The following RNF220 variants were observed in gnomAD, a reference collection of about 807,000 sequenced individuals.
RNF220 encodes the protein ring finger protein 220, also known as E3 ubiquitin-protein ligase RNF220.
Under a neutral mutation model 67.1 loss-of-function variants are expected in RNF220, and 7 were observed. The observed-to-expected ratio is 0.10, with a 90% CI of 0.06 to 0.20. The LOEUF (loss-of-function observed/expected upper bound fraction) is 0.20, where lower values mean the gene tolerates loss of function less well. Among genes scored for constraint, RNF220 ranks in the 10% least tolerant of loss-of-function variants. RNF220 has a pLI of 1.00. For synonymous variants in RNF220, 270 were observed against 283.2 expected (o/e 0.95, Z 0.47); for missense variants, 565 against 740.3 (o/e 0.76, Z 2.75).
chr1:44,610,730 G>T (rs1643260301), intron 2 of RNF220, among the ~76,000 whole-genome samples: 2 of 152,202 alleles, frequency 1.3e-5, no homozygotes, highest in Admixed American at 1.3e-4. Flanking sequence ...CCAATGGGCA[G>T]CTGAACTAAG....
At chr1:44,524,616 G>A (rs1380471821) in intron 2 of RNF220, among the ~76,000 whole-genome samples, 1 of 152,026 alleles carries the variant, frequency 6.6e-6, no homozygotes, top group Non-Finnish European at 1.5e-5. Context: ...CTCTTCCTCC[G>A]CATCTCTCCT....
At chr1:44,501,112 TCCACCAGCCCGAGTGA>T (rs1394105708) in intron 2 of RNF220, among the ~76,000 whole-genome samples, 2 of 135,078 alleles carry the variant, frequency 1.5e-5, no homozygotes, top group Non-Finnish European at 3.1e-5. Flanking sequence ...GCTCTCCCTT[TCCACCAGCCCGAGTGA>T]CACAGTGACA....
At chr1:44,632,572 G>A in intron 6 of RNF220, 187 bp downstream of exon 6, 1 of 642,436 alleles carries the variant, frequency 1.6e-6, no homozygotes, top group Non-Finnish European at 2.7e-6. Flanking sequence ...GTCTAATGGA[G>A]GTATGGCGCC....
chr1:44,534,993 G>A lies in RNF220; in HGVS notation c.626-79172G>A, dbSNP rs76186749. ...AGCTATTGAGTTGTCCAGACTCGTT[G>A]TGACCAGGGAGCAAGTTACTGCTAA... On this transcript the variant is annotated intron_variant, in intron 2 of 14. Coordinates refer to ENST00000361799, the MANE Select transcript of RNF220 (RefSeq NM_018150.4). 1.9e-3 allele frequency among the ~76,000 whole-genome samples: 289 copies of A among 152,266 alleles called. 3 individuals are homozygous for A. In the South Asian group the frequency reaches 0.022, roughly 11 times the overall value.
intron 2 of RNF220, among the ~76,000 whole-genome samples, chr1:44,541,093 G>A (rs1661638215): frequency 6.6e-6 from 1 of 152,278 alleles, no homozygotes; most frequent in East Asian, 1.9e-4. Flanking sequence ...CATGGAAGAC[G>A]AAACTGAACC....
chr1:44,428,211 G>C (rs1459870644), intron 2 of RNF220, among the ~76,000 whole-genome samples: 2 of 152,196 alleles, frequency 1.3e-5, no homozygotes, highest in Non-Finnish European at 2.9e-5. Context: ...CAGTAAGCCA[G>C]AAGGAATTTT....
At chr1:44,517,112 G>A (rs541482250) in intron 2 of RNF220, among the ~76,000 whole-genome samples, 3 of 152,140 alleles carry the variant, frequency 2.0e-5, no homozygotes, top group South Asian at 2.1e-4. Flanking sequence ...GCCTGGCACC[G>A]CCCAAAATCC....
At chr1:44,589,663 C>T (rs1306361232) in intron 2 of RNF220, among the ~76,000 whole-genome samples, 2 of 149,188 alleles carry the variant, frequency 1.3e-5, no homozygotes, top group Non-Finnish European at 3.0e-5. Flanking sequence ...GGAGTCATAA[C>T]AGTCTTGACC....
chr1:44,581,225 A>G (rs1665255712), intron 2 of RNF220, among the ~76,000 whole-genome samples: 1 of 152,246 alleles, frequency 6.6e-6, no homozygotes, highest in African/African-American at 2.4e-5. Flanking sequence ...TTTAATACCC[A>G]TGGCACATTG....
At chr1:44,594,742 G>A (rs1169386760) in intron 2 of RNF220, among the ~76,000 whole-genome samples, 4 of 152,192 alleles carry the variant, frequency 2.6e-5, no homozygotes, top group African/African-American at 9.7e-5. Context: ...TTGGGAACTG[G>A]GGTTAATTTG....
At chr1:44,530,624 A>G (rs1225535176) in intron 2 of RNF220, among the ~76,000 whole-genome samples, 1 of 152,202 alleles carries the variant, frequency 6.6e-6, no homozygotes, top group African/African-American at 2.4e-5. Context: ...TGCAAAGATG[A>G]AATACGTAGC....
At chr1:44,445,268 A>C (rs1328157130) in intron 2 of RNF220, among the ~76,000 whole-genome samples, 1 of 152,168 alleles carries the variant, frequency 6.6e-6, no homozygotes, top group African/African-American at 2.4e-5. Context: ...ACAACTCATT[A>C]ATATCTCCTA....
chr1:44,625,298 C>T (rs1643906650), intron 4 of RNF220, among the ~76,000 whole-genome samples: 2 of 152,230 alleles, frequency 1.3e-5, no homozygotes, highest in African/African-American at 2.4e-5. Flanking sequence ...TCTCCTCCAG[C>T]TCCTGGGGTA....
Position 44,548,692 on chromosome 1 carries a change from G to A in RNF220, c.626-65473G>A, listed in dbSNP as rs558382829. Reference sequence around the variant, plus strand: ...ATTTTTGTAGAGACAGGGTCTTGCTGTGTTGCCCAGGCTGGTCTCGAACTC... The same window carrying A: ...ATTTTTGTAGAGACAGGGTCTTGCTATGTTGCCCAGGCTGGTCTCGAACTC... On this transcript the variant is annotated intron_variant, in intron 2 of 14. Transcript: ENST00000361799. 1.4e-4 allele frequency among the ~76,000 whole-genome samples: 21 copies of A among 152,060 alleles called. No individual in the cohort carries two copies. The South Asian group carries it at 1.5e-3, about 11-fold the overall frequency.
intron 2 of RNF220, among the ~76,000 whole-genome samples, chr1:44,525,964 C>T (rs762677379): frequency 8.5e-5 from 13 of 152,238 alleles, no homozygotes; most frequent in East Asian, 5.8e-4. Flanking sequence ...GTTAGACCTT[C>T]AGTCCCTGGA....
At chr1:44,443,925 T>C (rs1200836756) in intron 2 of RNF220, among the ~76,000 whole-genome samples, 1 of 152,148 alleles carries the variant, frequency 6.6e-6, no homozygotes, top group African/African-American at 2.4e-5. Flanking sequence ...ACCCCGTCTC[T>C]ACTAAAAATA....
At chr1:44,470,392 T>C (rs1483772496) in intron 2 of RNF220, among the ~76,000 whole-genome samples, 1 of 152,236 alleles carries the variant, frequency 6.6e-6, no homozygotes, top group Non-Finnish European at 1.5e-5. Flanking sequence ...CATCAGTCAG[T>C]TGGCAACATT....
At chr1:44,579,159 A>C (rs1411025378) in intron 2 of RNF220, among the ~76,000 whole-genome samples, 1 of 149,768 alleles carries the variant, frequency 6.7e-6, no homozygotes, top group East Asian at 1.9e-4. Flanking sequence ...CTGTCTCAGA[A>C]AAAAAAAAAA....
intron 2 of RNF220, among the ~76,000 whole-genome samples, chr1:44,537,517 T>C (rs1258524412): frequency 2.0e-5 from 3 of 152,160 alleles, no homozygotes; most frequent in African/African-American, 7.2e-5. Flanking sequence ...TAGAGGGGGA[T>C]CCATAGACTT....
Sources: gnomAD v4.1 joint callset for allele counts (sites outside exome capture counted in the v4.1 genomes callset) on GRCh38, gnomAD v4.1.1 for gene constraint, MANE v1.5 for transcripts, NCBI Gene and HGNC (gene_info 2026-07-23, HGNC 2026-07-21) for gene names.